The following CYP4X1 variants were observed in gnomAD, a reference collection of about 807,000 sequenced individuals.
CYP4X1 encodes the protein cytochrome P450 4X1.
CYP4X1 carries 44 observed loss-of-function variants against 57.9 expected under a neutral mutation model. That is an observed-to-expected ratio of 0.76 (90% CI 0.60 to 0.98). The LOEUF (loss-of-function observed/expected upper bound fraction) is 0.98. Among genes scored for constraint, CYP4X1 ranks in the 50% least tolerant of loss-of-function variants. The pLI is 0.00. For missense variants in CYP4X1, 532 were observed against 623.9 expected, an observed-to-expected ratio of 0.85 and a Z score of 1.57; for synonymous variants, 227 against 228.6, an observed-to-expected ratio of 0.99 and a Z score of 0.06.
chr1:46,986,700 A>G, the CYP4X1 span, among the ~76,000 whole-genome samples: 2 of 152,220 alleles, frequency 1.3e-5, no homozygotes, highest in Non-Finnish European at 2.9e-5. Context: ...CAGAAATCCT[A>G]CAAGCTAGAA....
chr1:46,962,152 C>CT, the CYP4X1 span, among the ~76,000 whole-genome samples: 1 of 152,068 alleles, frequency 6.6e-6, no homozygotes, highest in South Asian at 2.1e-4. Flanking sequence ...GAGTTTCACT[C>CT]TTTTTTTCTC....
chr1:47,048,027 G>T (rs1462697450), intron 9 of CYP4X1, among the ~76,000 whole-genome samples: 1 of 151,660 alleles, frequency 6.6e-6, no homozygotes, highest in Non-Finnish European at 1.5e-5. Flanking sequence ...AAGACTGCTT[G>T]AAGTTAGGAG....
chr1:47,003,892 C>T, the CYP4X1 span, among the ~76,000 whole-genome samples: 1 of 152,216 alleles, frequency 6.6e-6, no homozygotes, highest in African/African-American at 2.4e-5. Flanking sequence ...TCAGATCCTT[C>T]TCACGTTACA....
At chr1:47,013,090 T>C in the CYP4X1 span, among the ~76,000 whole-genome samples, 11 of 152,318 alleles carry the variant, frequency 7.2e-5, no homozygotes, top group African/African-American at 2.6e-4. Flanking sequence ...GGCTGGTTCA[T>C]TCCGAGTTTG....
At chr1:47,014,128 A>G in the CYP4X1 span, among the ~76,000 whole-genome samples, 1 of 152,290 alleles carries the variant, frequency 6.6e-6, no homozygotes, top group East Asian at 1.9e-4. Flanking sequence ...ATATTTAATA[A>G]GGAAAACAGA....
chr1:47,023,488 G>A, upstream of CYP4X1: 1 of 1,040,250 alleles, frequency 9.6e-7, no homozygotes, highest in Non-Finnish European at 1.2e-6. Context: ...AATGACCTCA[G>A]CTTTAGCATT....
At chr1:47,016,428 A>G in the CYP4X1 span, among the ~76,000 whole-genome samples, 2 of 150,584 alleles carry the variant, frequency 1.3e-5, no homozygotes, top group African/African-American at 2.5e-5. Context: ...CACAAGCTCC[A>G]CCTCCCAGGT....
chr1:47,055,160 G>T (rs1051417089), downstream of CYP4X1, among the ~76,000 whole-genome samples: 7 of 152,132 alleles, frequency 4.6e-5, no homozygotes, highest in Non-Finnish European at 1.5e-5. Context: ...GGCCTTTTCT[G>T]CATCTGTTGA....
the CYP4X1 span, among the ~76,000 whole-genome samples, chr1:46,972,105 G>C: frequency 6.6e-6 from 1 of 152,088 alleles, no homozygotes; most frequent in Non-Finnish European, 1.5e-5. Context: ...ACCTTGAGTT[G>C]AGTTTTGTAT....
intron 10 of CYP4X1, among the ~76,000 whole-genome samples, 159 bp from the exon 11 acceptor site, chr1:47,049,263 A>G (rs904162433): frequency 2.6e-5 from 4 of 152,240 alleles, no homozygotes; most frequent in Non-Finnish European, 4.4e-5. Context: ...AATAAACTCT[A>G]TTAAGATTAA....
intron 2 of CYP4X1, 71 bp from the exon 3 acceptor site, chr1:47,031,365 G>T (rs11211420): frequency 2.7e-5 from 42 of 1,562,884 alleles, no homozygotes; most frequent in Non-Finnish European, 3.4e-5. Context: ...GCAGAAAACC[G>T]TCACCAACTT....
rs1276370516 is a variant in CYP4X1 at position 47,036,080 on chromosome 1, C to T, written c.684C>T (p.Tyr228=). The T allele has an allele frequency of 1.9e-6, 3 of 1,613,660 alleles. No homozygotes were observed. The Admixed American group carries it at 5.0e-5, about 27-fold the overall frequency. The change falls in exon 6 of 12, where the codon TAC becomes TAT. Residue 228 remains tyrosine, a synonymous_variant. Coordinates refer to ENST00000371901, the MANE Select transcript of CYP4X1 (RefSeq NM_178033.2). ...ELSKIIFHRL[Y]SLLYHSDIIF... ...GCAAAATCATATTTCACCGCTTGTACAGTTTGTTGTATCACAGTGACATAA... is the reference window on the plus strand; with the variant it reads ...GCAAAATCATATTTCACCGCTTGTATAGTTTGTTGTATCACAGTGACATAA...
chr1:47,017,271 A>G, the CYP4X1 span, among the ~76,000 whole-genome samples: 1 of 152,196 alleles, frequency 6.6e-6, no homozygotes, highest in Non-Finnish European at 1.5e-5. Flanking sequence ...TTTTTGAGGA[A>G]TCTCCAAACC....
chr1:46,983,154 G>C, the CYP4X1 span, among the ~76,000 whole-genome samples: 1 of 152,176 alleles, frequency 6.6e-6, no homozygotes, highest in Non-Finnish European at 1.5e-5. Context: ...CAGGCTCTTT[G>C]TTCCTTCCCC....
chr1:47,051,175 A>G (rs1327764849), downstream of CYP4X1, among the ~76,000 whole-genome samples: 1 of 152,196 alleles, frequency 6.6e-6, no homozygotes, highest in African/African-American at 2.4e-5. Context: ...TCAAAACCAC[A>G]ATGAGATACC....
the CYP4X1 span, among the ~76,000 whole-genome samples, chr1:47,008,161 G>A: frequency 9.8e-4 from 149 of 152,242 alleles, 1 homozygote; most frequent in African/African-American, 3.4e-3. Context: ...AAAGGTTAAG[G>A]GCAGCCAGAG....
At chr1:47,027,034 G>A (rs920221443) in intron 1 of CYP4X1, among the ~76,000 whole-genome samples, 3 of 152,154 alleles carry the variant, frequency 2.0e-5, no homozygotes, top group Non-Finnish European at 4.4e-5. Flanking sequence ...TTTTTTTAAC[G>A]ATGTTTTTGT....
chr1:47,004,207 G>C, the CYP4X1 span, among the ~76,000 whole-genome samples: 2 of 152,162 alleles, frequency 1.3e-5, no homozygotes, highest in African/African-American at 4.8e-5. Context: ...CCTGTGCTCG[G>C]GGCCGCTCCC....
chr1:47,004,384 T>C, the CYP4X1 span, among the ~76,000 whole-genome samples: 1 of 152,218 alleles, frequency 6.6e-6, no homozygotes, highest in Non-Finnish European at 1.5e-5. Flanking sequence ...GCCCAAAGTT[T>C]GGGATTTATT....
Sources: gnomAD v4.1 joint callset for allele counts (sites outside exome capture counted in the v4.1 genomes callset) on GRCh38, gnomAD v4.1.1 for gene constraint, MANE v1.5 for transcripts, NCBI Gene and HGNC (gene_info 2026-07-23, HGNC 2026-07-21) for gene names.